Variants in NUP58 observed in about 807,000 individuals in gnomAD.
NUP58 encodes nucleoporin 58.
Under a neutral mutation model 70.1 loss-of-function variants are expected in NUP58, and 17 were observed. The ratio of observed to expected loss-of-function variants is 0.24; its 90% confidence interval spans 0.17 to 0.36. The LOEUF (loss-of-function observed/expected upper bound fraction) is 0.36. Among genes scored for constraint, NUP58 ranks in the 10% least tolerant of loss-of-function variants. The pLI is 1.00. For missense variants in NUP58, 644 were observed against 701.5 expected, an observed-to-expected ratio of 0.92 and a Z score of 0.93; for synonymous variants, 275 against 257.6, an observed-to-expected ratio of 1.07 and a Z score of -0.65.
At chr13:25,337,211 A>T (rs1000663577) in intron 14 of NUP58, among the ~76,000 whole-genome samples, 177 bp downstream of exon 14, 9 of 152,274 alleles carry the variant, frequency 5.9e-5, no homozygotes, top group Middle Eastern at 3.4e-3. Context: ...GAACTTAAAG[A>T]ATCATTCCAT....
chr13:25,306,601 T>C (rs148303805), intron 1 of NUP58, among the ~76,000 whole-genome samples: 82 of 152,220 alleles, frequency 5.4e-4, no homozygotes, highest in South Asian at 2.9e-3. Context: ...GATTATTCTT[T>C]ATGGAAGGGC....
chr13:25,311,747 C>A (rs527874083), intron 3 of NUP58, among the ~76,000 whole-genome samples: 4 of 149,456 alleles, frequency 2.7e-5, no homozygotes, highest in African/African-American at 7.4e-5. Flanking sequence ...GAGACTGATA[C>A]CAGAGAAATA....
intron 3 of NUP58, among the ~76,000 whole-genome samples, chr13:25,311,666 C>T (rs917857667): frequency 4.1e-4 from 58 of 143,052 alleles, no homozygotes; most frequent in African/African-American, 1.5e-3. Flanking sequence ...TGAGCCACGG[C>T]ACCTGTCTTT....
chr13:25,339,081 A>G (rs2031877686), intron 15 of NUP58, among the ~76,000 whole-genome samples: 1 of 152,216 alleles, frequency 6.6e-6, no homozygotes, highest in African/African-American at 2.4e-5. Flanking sequence ...GTTTTTTGTC[A>G]TAATTCATCC....
At chr13:25,339,545 A>G (rs1337413479) in intron 15 of NUP58, among the ~76,000 whole-genome samples, 1 of 152,202 alleles carries the variant, frequency 6.6e-6, no homozygotes, top group African/African-American at 2.4e-5. Context: ...ATTGTCTTGA[A>G]CATTGTGGGT....
At chr13:25,319,444 T>C (rs1208122822) in intron 7 of NUP58, 94 bp downstream of exon 7, 4 of 1,213,350 alleles carry the variant, frequency 3.3e-6, no homozygotes, top group African/African-American at 1.5e-5. Context: ...AAATATCATA[T>C]ACATTTAGGA....
At chr13:25,321,849 G>A (rs528776728) in intron 9 of NUP58, among the ~76,000 whole-genome samples, 80 of 152,198 alleles carry the variant, frequency 5.3e-4, no homozygotes, top group African/African-American at 1.7e-3. Context: ...CCTGGGAGGC[G>A]GAGGTTGCAG....
At position 25,339,972 on chromosome 13, in the gene NUP58, C is replaced by T; in HGVS notation, c.1638C>T (p.Gly546=). The T allele has an allele frequency of 6.3e-7, 1 of 1,594,436 alleles. No individual in the cohort carries two copies. The highest frequency in any genetic ancestry group is 8.5e-7 in the Non-Finnish European group (1 of 1,173,174). ...TTTTTCCCTAAACATAAGGCTTTGGCAGCTCAAGTACATCTGGGTTTAACT... is the reference window on the plus strand; with the variant it reads ...TTTTTCCCTAAACATAAGGCTTTGGTAGCTCAAGTACATCTGGGTTTAACT... The part of the protein sequence containing the change: ...KPSGSLSAGF[G]SSSTSGFNFS... The change falls in exon 16 of 16, where the codon GGC becomes GGT. Residue 546 remains glycine, a synonymous_variant. Coordinates refer to ENST00000381736, the MANE Select transcript of NUP58 (RefSeq NM_014089.4).
intron 7 of NUP58, among the ~76,000 whole-genome samples, chr13:25,320,017 T>C (rs2031114744): frequency 6.6e-6 from 1 of 152,148 alleles, no homozygotes; most frequent in African/African-American, 2.4e-5. Flanking sequence ...AAATATTTAT[T>C]ATTCCTGTAA....
At position 25,336,945 on chromosome 13, in the gene NUP58, C is replaced by T. The variant is rs775129816; in HGVS notation, c.1445C>T (p.Pro482Leu). 1.9e-6 allele frequency: 3 copies of T among 1,591,948 alleles called. No homozygotes were observed. The South Asian group carries it at 3.4e-5, about 18-fold the overall frequency. Residue 482 changes from proline (P) to leucine (L), a missense_variant, in exon 14 of 16, where the codon CCA (proline) becomes CTA (leucine). By Grantham distance (98) the Pro-to-Leu change is moderately conservative. Coordinates refer to ENST00000381736, the MANE Select transcript of NUP58 (RefSeq NM_014089.4). ...QQQQPATGPQ[P>L]SLGVSFGTPF... The stretch of plus-strand genomic sequence containing the variant: ...TTTTTTTTTATACCAGGGCCACAGC[C>T]ATCTCTGGGAGTTAGTTTTGGAACG...
Position 25,331,433 on chromosome 13 carries a change from CAGAAGCCA to C in NUP58, c.1316_1323del (p.Ala439ValfsTer46). 6.2e-7 allele frequency: 1 copy of C among 1,614,110 alleles called. No homozygotes were observed. Among genetic ancestry groups the C allele is most frequent in the Non-Finnish European group, 8.5e-7 (1 of 1,179,980 alleles). On this transcript the variant is annotated frameshift_variant, in exon 13 of 16. Coordinates refer to ENST00000381736, the MANE Select transcript of NUP58 (RefSeq NM_014089.4). LOFTEE classifies it high-confidence loss of function. ...GTTGATGTGTTTGAAACAAGGCGAG[CAGAAGCCA>C]AGAAGTGGCAGAACACACCCAGAGT... is the stretch of plus-strand genomic sequence containing the variant.
Position 25,331,438 on chromosome 13 carries a change from G to A in NUP58, c.1315G>A (p.Ala439Thr), listed in dbSNP as rs779763512. The A allele has an allele frequency of 8.1e-6, 13 of 1,614,056 alleles. No individual in the cohort carries two copies. The South Asian group carries it at 1.2e-4, about 15-fold the overall frequency. The change falls in exon 13 of 16, where the codon GCC (alanine) becomes ACC (threonine). Residue 439 changes from alanine (A) to threonine (T), a missense_variant. Transcript: ENST00000381736. ...TGTGTTTGAAACAAGGCGAGCAGAA[G>A]CCAAGAAGTGGCAGAACACACCCAG... The part of the protein sequence containing the change: ...VDVFETRRAE[A>T]KKWQNTPRVT...
At chr13:25,323,039 G>A (rs1342661588) in intron 9 of NUP58, among the ~76,000 whole-genome samples, 1 of 152,156 alleles carries the variant, frequency 6.6e-6, no homozygotes, top group African/African-American at 2.4e-5. Flanking sequence ...CTGAATGATT[G>A]CATTCACCGC....
chr13:25,343,805 G>GTGTATATATATATATA (rs770283276), downstream of NUP58, among the ~76,000 whole-genome samples: 1 of 137,664 alleles, frequency 7.3e-6, no homozygotes, highest in South Asian at 2.3e-4. Context: ...ACATATATAT[G>GTGTATATATATATATA]TATATATATA....
downstream of NUP58, among the ~76,000 whole-genome samples, chr13:25,342,927 A>G (rs2031994583): frequency 6.6e-6 from 1 of 152,078 alleles, no homozygotes; most frequent in African/African-American, 2.4e-5. Context: ...CTGTGTCTAT[A>G]TAGATTTACT....
At chr13:25,318,185 G>A (rs1223561144) in intron 6 of NUP58, among the ~76,000 whole-genome samples, 2 of 151,976 alleles carry the variant, frequency 1.3e-5, no homozygotes, top group Admixed American at 6.6e-5. Context: ...AAAGCTAGCC[G>A]GGCACAGTGG....
chr13:25,328,534 T>C (rs2031490371), intron 12 of NUP58, among the ~76,000 whole-genome samples: 1 of 151,570 alleles, frequency 6.6e-6, no homozygotes, highest in Non-Finnish European at 1.5e-5. Flanking sequence ...TAGCTGGGAC[T>C]ACAGGCACGT....
At chr13:25,334,803 T>A (rs1225653446) in intron 13 of NUP58, 1 of 984,658 alleles carries the variant, frequency 1.0e-6, no homozygotes, top group Non-Finnish European at 1.2e-6. Flanking sequence ...CTGGTTTTGT[T>A]GTGTGTGAAT....
At position 25,341,480 on chromosome 13, in the gene NUP58, T is replaced by G. The variant is rs2031953791; in HGVS notation, c.*1346T>G. 1 of 152,640 alleles carries G rather than the reference T, an allele frequency of 6.6e-6. No individual in the cohort carries two copies. Among genetic ancestry groups the G allele is most frequent in the African/African-American group, 2.4e-5 (1 of 41,450 alleles). 9.5% of individuals were successfully genotyped at this position (152,640 alleles called of 1,614,324 possible). ...TGATATTGACACCAAATGGAGTGGCTTCTCAGCCTCTTAATGTCTTAAGTA... is the reference window on the plus strand; with the variant it reads ...TGATATTGACACCAAATGGAGTGGCGTCTCAGCCTCTTAATGTCTTAAGTA... On this transcript the variant is annotated 3_prime_UTR_variant, in exon 16 of 16. Transcript: ENST00000381736.
Sources: gnomAD v4.1 joint callset for allele counts (sites outside exome capture counted in the v4.1 genomes callset) on GRCh38, gnomAD v4.1.1 for gene constraint, MANE v1.5 for transcripts, NCBI Gene and HGNC (gene_info 2026-07-23, HGNC 2026-07-21) for gene names.